Variants in MGAT5 observed in about 807,000 individuals in gnomAD.
MGAT5 encodes the protein alpha-1,6-mannosylglycoprotein 6-beta-N-acetylglucosaminyltransferase A.
Under a neutral mutation model 94.3 loss-of-function variants are expected in MGAT5, and 30 were observed. The observed-to-expected ratio is 0.32, with a 90% confidence interval of 0.24 to 0.43. The LOEUF (loss-of-function observed/expected upper bound fraction) is 0.43, where lower values mean the gene tolerates loss of function less well. MGAT5 is among the 20% of genes least tolerant of loss of function. MGAT5 has a pLI of 1.00. For synonymous variants in MGAT5, 310 were observed against 322.9 expected, an observed-to-expected ratio of 0.96 and a Z score of 0.43; for missense variants, 691 against 905.5, an observed-to-expected ratio of 0.76 and a Z score of 3.04.
intron 1 of MGAT5, among the ~76,000 whole-genome samples, chr2:134,148,037 G>T (rs559568861): frequency 2.6e-5 from 4 of 152,118 alleles, no homozygotes; most frequent in African/African-American, 9.7e-5. Context: ...TTGTTACTTG[G>T]TGTAACTTAA....
chr2:134,364,153 C>A (rs1415120405), intron 10 of MGAT5, among the ~76,000 whole-genome samples: 1 of 152,160 alleles, frequency 6.6e-6, no homozygotes, highest in Non-Finnish European at 1.5e-5. Flanking sequence ...ATTTTGGTCA[C>A]CTGTTTTAGA....
Position 134,420,304 on chromosome 2 carries a change from G to GA in MGAT5, c.1678-2490dup, listed in dbSNP as rs796612677. On this transcript the variant is annotated intron_variant, in intron 12 of 15. Transcript: ENST00000281923. Reference sequence around the variant, plus strand: ...AGTGTTGAATTCAGAAGTGTGCAGAGAAAAAAAAATGGAAGTTTTCTGAGT... The same window carrying GA: ...AGTGTTGAATTCAGAAGTGTGCAGAGAAAAAAAAAATGGAAGTTTTCTGAGT... Among the ~76,000 whole-genome samples the GA allele has an allele frequency of 1.1e-3, 172 of 150,888 alleles. 1 individual carries two copies. The highest frequency in any genetic ancestry group is 3.8e-3 in the African/African-American group (157 of 41,192).
At chr2:134,192,484 G>A (rs187426105) in intron 1 of MGAT5, among the ~76,000 whole-genome samples, 1 of 152,218 alleles carries the variant, frequency 6.6e-6, no homozygotes, top group African/African-American at 2.4e-5. Context: ...GCTATATCTT[G>A]CTAGTTTTGG....
In MGAT5 at chr2:134,261,982, G is replaced by A. The variant is rs78777113; in HGVS notation, c.241+7338G>A. 5.9e-5 allele frequency among the ~76,000 whole-genome samples: 9 copies of A among 152,316 alleles called. No individual in the cohort carries two copies. In the East Asian group the frequency reaches 1.5e-3, roughly 26 times the overall value. On this transcript the variant is annotated intron_variant, in intron 1 of 15. Transcript: ENST00000281923. ...AGCTCTTATGCATGATCCTAACATG[G>A]GAACCATTGTTTATTCTGGAAGGTA...
chr2:134,375,554 C>T (rs968191626), intron 10 of MGAT5, among the ~76,000 whole-genome samples: 1 of 152,228 alleles, frequency 6.6e-6, no homozygotes, highest in African/African-American at 2.4e-5. Flanking sequence ...TCAGTTTTCA[C>T]TGCATGTGAT....
Position 134,310,050 on chromosome 2 carries a change from A to C in MGAT5, c.407-7479A>C, listed in dbSNP as rs185292905. Among the ~76,000 whole-genome samples, 5 of 152,322 alleles carry C rather than the reference A, an allele frequency of 3.3e-5. No homozygotes were observed. The East Asian group carries it at 9.6e-4, about 29-fold the overall frequency. On this transcript the variant is annotated intron_variant, in intron 2 of 15. Transcript: ENST00000281923. ...TAGTTCTATTCTTGAAAAGCTATAC[A>C]TAGAGAACCCATATATATACACTGA... is the stretch of plus-strand genomic sequence containing the variant.
chr2:134,167,888 C>A (rs1317264360), intron 1 of MGAT5, among the ~76,000 whole-genome samples: 1 of 152,138 alleles, frequency 6.6e-6, no homozygotes, highest in Non-Finnish European at 1.5e-5. Context: ...TTTTTCTCAA[C>A]TGTAAATCAA....
intron 2 of MGAT5, among the ~76,000 whole-genome samples, chr2:134,273,483 A>G (rs944352673): frequency 2.0e-5 from 3 of 152,122 alleles, no homozygotes; most frequent in Non-Finnish European, 2.9e-5. Context: ...CTTATTGCTC[A>G]CTGATGTTTC....
intron 4 of MGAT5, among the ~76,000 whole-genome samples, chr2:134,332,749 A>T (rs1688056186): frequency 6.6e-6 from 1 of 152,208 alleles, no homozygotes; most frequent in Admixed American, 6.5e-5. Context: ...CAAGAAAAAA[A>T]CAACCCCATC....
intron 1 of MGAT5, among the ~76,000 whole-genome samples, chr2:134,152,474 C>T (rs1558959379): frequency 6.6e-6 from 1 of 152,150 alleles, no homozygotes; most frequent in Non-Finnish European, 1.5e-5. Context: ...TGGGACCTCA[C>T]TCACTCATCC....
intron 11 of MGAT5, among the ~76,000 whole-genome samples, chr2:134,411,955 A>G (rs556122687): frequency 6.6e-6 from 1 of 152,224 alleles, no homozygotes. Flanking sequence ...TAGAGAGGAC[A>G]CAGCTTCGTC....
Position 134,254,430 on chromosome 2 carries a change from G to A in MGAT5, c.27G>A (p.Leu9=), listed in dbSNP as rs758547800. The A allele has an allele frequency of 2.5e-6, 4 of 1,614,126 alleles. No homozygotes were observed. The highest frequency in any genetic ancestry group is 2.7e-5 in the African/African-American group (2 of 74,944). ...TGGCTCTCTTCACTCCGTGGAAGTT[G>A]TCCTCTCAGAAGCTGGGCTTTTTCC... MALFTPWK[L]SSQKLGFFLV... Residue 9 remains leucine (L), a synonymous_variant, in exon 1 of 16, where the codon TTG becomes TTA. Transcript: ENST00000281923.
intron 14 of MGAT5, among the ~76,000 whole-genome samples, chr2:134,439,418 C>T (rs1449349226): frequency 2.0e-5 from 3 of 152,146 alleles, no homozygotes; most frequent in East Asian, 1.9e-4. Flanking sequence ...AACACAAGGC[C>T]GGGCGCGGTG....
At chr2:134,292,706 A>G (rs1685448176) in intron 2 of MGAT5, among the ~76,000 whole-genome samples, 1 of 152,060 alleles carries the variant, frequency 6.6e-6, no homozygotes, top group Admixed American at 6.6e-5. Context: ...GTTAGGATCT[A>G]CCTTCATCTG....
chr2:134,197,537 C>A (rs1285730454), intron 1 of MGAT5, among the ~76,000 whole-genome samples: 6 of 152,144 alleles, frequency 3.9e-5, no homozygotes, highest in Non-Finnish European at 4.4e-5. Flanking sequence ...CCTTTGGAGT[C>A]AAAGACGATG....
At chr2:134,362,996 T>G (rs1680200033) in intron 10 of MGAT5, among the ~76,000 whole-genome samples, 1 of 152,226 alleles carries the variant, frequency 6.6e-6, no homozygotes, top group East Asian at 1.9e-4. Context: ...CCCTTGGCCC[T>G]CCTGAGTTGA....
At chr2:134,359,547 T>C (rs1039168537) in intron 9 of MGAT5, among the ~76,000 whole-genome samples, 1 of 152,190 alleles carries the variant, frequency 6.6e-6, no homozygotes, top group Non-Finnish European at 1.5e-5. Flanking sequence ...AAAAATCACA[T>C]TTGTTTATCT....
chr2:134,366,163 C>T (rs528645907), intron 10 of MGAT5, among the ~76,000 whole-genome samples: 1 of 152,296 alleles, frequency 6.6e-6, no homozygotes, highest in Non-Finnish European at 1.5e-5. Context: ...ATCATTCGCT[C>T]CTGCTAACAC....
At chr2:134,437,234 A>C (rs989129180) in intron 14 of MGAT5, among the ~76,000 whole-genome samples, 1 of 151,896 alleles carries the variant, frequency 6.6e-6, no homozygotes, top group Admixed American at 6.6e-5. Context: ...AGGTGATCCA[A>C]CCACCTTGGC....
Sources: gnomAD v4.1 joint callset for allele counts (sites outside exome capture counted in the v4.1 genomes callset) on GRCh38, gnomAD v4.1.1 for gene constraint, MANE v1.5 for transcripts, NCBI Gene and HGNC (gene_info 2026-07-23, HGNC 2026-07-21) for gene names.